The following DMD variants were observed in gnomAD, a reference collection of about 807,000 sequenced individuals.
DMD encodes mutant dystrophin.
DMD carries 63 observed loss-of-function variants against 330.1 expected under a neutral mutation model. The ratio of observed to expected loss-of-function variants is 0.19; its 90% CI spans 0.16 to 0.24. The LOEUF is 0.24. Among genes scored for constraint, DMD ranks in the 10% least tolerant of loss-of-function variants. DMD has a pLI of 1.00. For missense variants in DMD, 3,344 were observed against 2,684.1 expected (o/e 1.25, Z -5.43); for synonymous variants, 1,223 against 959.8 (o/e 1.27, Z -5.07).
At chrX:31,152,959 T>C (rs2037625342) in intron 74 of DMD, among the ~76,000 whole-genome samples, 2 of 112,604 alleles carry the variant, frequency 1.8e-5, no homozygotes, top group South Asian at 7.3e-4. Flanking sequence ...TACATATGCA[T>C]GTGTATGTTT....
intron 44 of DMD, among the ~76,000 whole-genome samples, chrX:32,051,193 G>A (rs979597188): frequency 5.5e-5 from 6 of 109,588 alleles, no homozygotes; most frequent in African/African-American, 2.0e-4. Context: ...TAAAGTATAG[G>A]TTAGACAAAT....
At chrX:31,513,796 T>A (rs1300327323) in intron 55 of DMD, among the ~76,000 whole-genome samples, 1 of 111,621 alleles carries the variant, frequency 9.0e-6, no homozygotes, top group Non-Finnish European at 1.9e-5. Context: ...GCACTGTATA[T>A]ACATGAGCTC....
At chrX:32,847,165 A>G (rs181923361) in intron 3 of DMD, among the ~76,000 whole-genome samples, 13 of 112,210 alleles carry the variant, frequency 1.2e-4, no homozygotes, top group Admixed American at 6.6e-4. Context: ...CCAAAGCCAC[A>G]TATTTCCTTT....
chrX:32,912,304 A>G (rs1382435467), intron 2 of DMD, among the ~76,000 whole-genome samples: 1 of 110,861 alleles, frequency 9.0e-6, no homozygotes, highest in African/African-American at 3.3e-5. Context: ...ATCCTTCACC[A>G]TCAGCCAAAG....
intron 2 of DMD, among the ~76,000 whole-genome samples, chrX:32,989,482 A>G (rs1272099932): frequency 8.9e-6 from 1 of 112,037 alleles, no homozygotes; most frequent in Non-Finnish European, 1.9e-5. Flanking sequence ...TAGTGTTGCT[A>G]AAGTAAGAAC....
intron 1 of DMD, among the ~76,000 whole-genome samples, chrX:33,281,507 C>T (rs1449292658): frequency 8.9e-6 from 1 of 111,837 alleles, no homozygotes; most frequent in African/African-American, 3.3e-5. Flanking sequence ...CTGCGCCTGG[C>T]CTGACTTCTA....
At chrX:32,900,822 G>C (rs908938423) in intron 2 of DMD, among the ~76,000 whole-genome samples, 15 of 111,657 alleles carry the variant, frequency 1.3e-4, no homozygotes, top group African/African-American at 4.9e-4. Flanking sequence ...CAAAAGGAAA[G>C]TAAAAAACTC....
intron 2 of DMD, among the ~76,000 whole-genome samples, chrX:32,948,113 G>GACACACAC (rs3083093): frequency 5.1e-4 from 49 of 95,978 alleles, no homozygotes; most frequent in African/African-American, 1.6e-3. Flanking sequence ...GAGAGAAACA[G>GACACACAC]ACACACACAC....
At chrX:32,790,688 T>A (rs1304486) in intron 7 of DMD, among the ~76,000 whole-genome samples, 43,508 of 110,494 alleles carry the variant, frequency 0.39, 6,591 homozygotes, top group Admixed American at 0.48. Flanking sequence ...GGGTGGCCAC[T>A]CAACTTCATG....
At chrX:32,535,936 A>G (rs997577919) in intron 17 of DMD, among the ~76,000 whole-genome samples, 1 of 111,604 alleles carries the variant, frequency 9.0e-6, no homozygotes, top group South Asian at 3.7e-4. Context: ...AGTCATTACC[A>G]TACAATTTGG....
chrX:31,233,750 G>A (rs561140777), intron 63 of DMD, among the ~76,000 whole-genome samples: 4 of 111,568 alleles, frequency 3.6e-5, no homozygotes, highest in Admixed American at 9.5e-5. Flanking sequence ...CCGCCGTCTC[G>A]GCTTACTTAT....
At chrX:33,229,003 TTATA>T (rs1381466533) in intron 1 of DMD, among the ~76,000 whole-genome samples, 1 of 111,048 alleles carries the variant, frequency 9.0e-6, no homozygotes, top group Non-Finnish European at 1.9e-5. Context: ...TGTTTGTCAT[TTATA>T]TATACTATTC....
intron 16 of DMD, among the ~76,000 whole-genome samples, chrX:32,554,879 AAG>A: frequency 1.5e-4 from 1 of 6,493 alleles, no homozygotes; most frequent in Admixed American, 1.8e-3. Flanking sequence ...AGAAGGAAAG[AAG>A]AAAGAAAGAA....
At chrX:32,735,674 C>G (rs770375598) in intron 7 of DMD, among the ~76,000 whole-genome samples, 1 of 111,701 alleles carries the variant, frequency 9.0e-6, no homozygotes, top group East Asian at 2.8e-4. Flanking sequence ...GAAAGGATTC[C>G]CTATTTAATA....
intron 44 of DMD, among the ~76,000 whole-genome samples, chrX:32,013,317 C>A (rs983742055): frequency 9.1e-6 from 1 of 110,320 alleles, no homozygotes; most frequent in Non-Finnish European, 1.9e-5. Context: ...GAACTCCTGA[C>A]CTCGTGATCT....
chrX:33,166,725 A>G (rs1257903251), intron 1 of DMD, among the ~76,000 whole-genome samples: 1 of 110,287 alleles, frequency 9.1e-6, no homozygotes. Context: ...CTTGAACAAA[A>G]AGTCATGGCT....
intron 44 of DMD, among the ~76,000 whole-genome samples, chrX:32,186,497 T>C (rs1294471912): frequency 5.4e-5 from 6 of 111,871 alleles, no homozygotes; most frequent in Non-Finnish European, 7.6e-5. Context: ...GCCAGAAGGA[T>C]TGCTTCCTGA....
At chrX:32,254,828 T>C in intron 43 of DMD, among the ~76,000 whole-genome samples, 1 of 112,230 alleles carries the variant, frequency 8.9e-6, no homozygotes, top group Middle Eastern at 4.6e-3. Flanking sequence ...CATGGGCTTG[T>C]CTTTTTTAAC....
At chrX:32,393,831 TGA>T (rs1285672835) in intron 30 of DMD, among the ~76,000 whole-genome samples, 1 of 109,760 alleles carries the variant, frequency 9.1e-6, no homozygotes, top group Non-Finnish European at 1.9e-5. Context: ...ATTTTAAGAA[TGA>T]GAGAGAGAGG....
Sources: gnomAD v4.1 joint callset for allele counts (sites outside exome capture counted in the v4.1 genomes callset) on GRCh38, gnomAD v4.1.1 for gene constraint, MANE v1.5 for transcripts, NCBI Gene and HGNC (gene_info 2026-07-23, HGNC 2026-07-21) for gene names.